CDH12: variants seen among roughly 807,000 people sequenced by gnomAD.
CDH12 encodes the protein cadherin 12, also known as cadherin-12.
In CDH12, 41 loss-of-function variants were observed where a neutral mutation model predicts 74.1. That is an observed-to-expected ratio of 0.55 (90% CI 0.43 to 0.72). The LOEUF (loss-of-function observed/expected upper bound fraction) is 0.72, where lower values mean the gene tolerates loss of function less well. Among genes scored for constraint, CDH12 ranks in the 30% least tolerant of loss-of-function variants. CDH12 has a pLI of 0.00. For synonymous variants in CDH12, 399 were observed against 355.0 expected (o/e 1.12, Z -1.39); for missense variants, 945 against 977.2 (o/e 0.97, Z 0.44).
At chr5:22,648,860 A>T (rs1372142473) in intron 1 of CDH12, among the ~76,000 whole-genome samples, 1 of 151,998 alleles carries the variant, frequency 6.6e-6, no homozygotes, top group Non-Finnish European at 1.5e-5. Context: ...CAGTTTAAGC[A>T]GAGAATTATT....
At chr5:22,415,722 A>G (rs1743353164) in intron 2 of CDH12, among the ~76,000 whole-genome samples, 1 of 152,192 alleles carries the variant, frequency 6.6e-6, no homozygotes, top group South Asian at 2.1e-4. Flanking sequence ...GAATTAAAAG[A>G]TACACAAATG....
chr5:22,533,863 C>A (rs569981373), intron 1 of CDH12, among the ~76,000 whole-genome samples: 3 of 152,180 alleles, frequency 2.0e-5, no homozygotes, highest in East Asian at 1.9e-4. Context: ...ATGTATATTT[C>A]AAAAATATAC....
At chr5:21,930,275 G>C (rs1005842488) in intron 6 of CDH12, among the ~76,000 whole-genome samples, 1 of 152,156 alleles carries the variant, frequency 6.6e-6, no homozygotes, top group African/African-American at 2.4e-5. Context: ...TTAACTGCTT[G>C]ACACATGCCA....
chr5:22,032,007 A>T (rs997637134), intron 5 of CDH12, among the ~76,000 whole-genome samples: 15 of 149,406 alleles, frequency 1.0e-4, no homozygotes, highest in Admixed American at 6.7e-4. Context: ...TTCAATTTAT[A>T]AAAAAAAAAT....
intron 2 of CDH12, among the ~76,000 whole-genome samples, chr5:22,406,354 A>T (rs1362492531): frequency 6.6e-6 from 1 of 152,120 alleles, no homozygotes; most frequent in Admixed American, 6.6e-5. Flanking sequence ...TAATCTCTTC[A>T]CTACCCTAAC....
At chr5:21,972,572 G>A (rs1450053378) in intron 6 of CDH12, among the ~76,000 whole-genome samples, 4 of 152,096 alleles carry the variant, frequency 2.6e-5, no homozygotes, top group Admixed American at 2.6e-4. Flanking sequence ...TGAGAATGGG[G>A]TTCGAGTACT....
At chr5:22,594,035 C>G (rs954058901) in intron 1 of CDH12, among the ~76,000 whole-genome samples, 5 of 152,128 alleles carry the variant, frequency 3.3e-5, no homozygotes, top group African/African-American at 1.2e-4. Flanking sequence ...GCCCATTCAA[C>G]AATGAGAAGG....
At chr5:22,373,748 G>T (rs1223819451) in intron 3 of CDH12, among the ~76,000 whole-genome samples, 1 of 152,144 alleles carries the variant, frequency 6.6e-6, no homozygotes, top group African/African-American at 2.4e-5. Context: ...AAGCCAAAGT[G>T]CCCTACCAAC....
chr5:22,712,177 A>G (rs991386668), intron 1 of CDH12, among the ~76,000 whole-genome samples: 7 of 151,994 alleles, frequency 4.6e-5, no homozygotes, highest in Non-Finnish European at 7.4e-5. Context: ...CTAAAACATA[A>G]TTTGAAATAA....
chr5:21,831,335 C>T (rs541907249), intron 8 of CDH12, among the ~76,000 whole-genome samples: 2 of 152,160 alleles, frequency 1.3e-5, no homozygotes, highest in Non-Finnish European at 2.9e-5. Flanking sequence ...CTCTCACTAT[C>T]TCTTTTTCTT....
intron 1 of CDH12, among the ~76,000 whole-genome samples, chr5:22,645,300 T>G (rs1739380514): frequency 6.6e-6 from 1 of 152,088 alleles, no homozygotes; most frequent in Non-Finnish European, 1.5e-5. Context: ...AGAAATTAAT[T>G]CCAACTCTTC....
At chr5:22,702,561 A>G (rs1479404108) in intron 1 of CDH12, among the ~76,000 whole-genome samples, 1 of 151,522 alleles carries the variant, frequency 6.6e-6, no homozygotes, top group African/African-American at 2.4e-5. Flanking sequence ...ATCTATTTTG[A>G]CTTTTTATGT....
rs773060961 is a variant in CDH12, at chr5:21,755,646, T to C, written c.1830A>G (p.Val610=). The part of the protein sequence containing the change: ...SCNVEAIFLP[V]GLSTGALIAI... The stretch of plus-strand genomic sequence containing the variant: ...CAATCAACGCCCCAGTGCTAAGTCC[T>C]ACAGGTAGAAAAATTGCTTCCACAT... Residue 610 remains valine (V), a synonymous_variant, in exon 14 of 15, where the codon GTA becomes GTG. Coordinates refer to ENST00000382254, the MANE Select transcript of CDH12 (RefSeq NM_004061.5). The C allele has an allele frequency of 1.3e-4, 209 of 1,613,910 alleles. 1 individual carries two copies. The highest frequency in any genetic ancestry group is 1.4e-4 in the Non-Finnish European group (160 of 1,179,934).
At chr5:22,223,429 A>G (rs1363259721) in intron 3 of CDH12, among the ~76,000 whole-genome samples, 1 of 152,050 alleles carries the variant, frequency 6.6e-6, no homozygotes, top group Non-Finnish European at 1.5e-5. Flanking sequence ...CAGCCTTATT[A>G]GGAATTTTTG....
chr5:21,866,219 A>C (rs1751317456), intron 6 of CDH12, among the ~76,000 whole-genome samples: 1 of 152,188 alleles, frequency 6.6e-6, no homozygotes, highest in South Asian at 2.1e-4. Context: ...AAAAGGACTA[A>C]TACAGCAAAT....
chr5:22,689,399 G>C (rs1286219422), intron 1 of CDH12, among the ~76,000 whole-genome samples: 1 of 152,052 alleles, frequency 6.6e-6, no homozygotes, highest in African/African-American at 2.4e-5. Context: ...ACCCTTACAA[G>C]GATGACATAT....
chr5:22,336,682 C>T (rs1351291423), intron 3 of CDH12, among the ~76,000 whole-genome samples: 3 of 152,310 alleles, frequency 2.0e-5, no homozygotes, highest in Admixed American at 2.0e-4. Context: ...TTGGGAACCT[C>T]TACCTAGATT....
Position 21,845,785 on chromosome 5 carries a change from T to C in CDH12, c.647-3457A>G, listed in dbSNP as rs2149991038. On this transcript the variant is annotated intron_variant, in intron 7 of 14. Transcript: ENST00000382254. The stretch of plus-strand genomic sequence containing the variant: ...CATCTAGTTAATGTCTGGCTCAGAG[T>C]GATAAAGGAGATAGAAAGAAATTAC... 2.0e-5 allele frequency among the ~76,000 whole-genome samples: 3 copies of C among 151,970 alleles called. No individual in the cohort carries two copies. The South Asian group carries it at 6.2e-4, about 32-fold the overall frequency.
intron 1 of CDH12, among the ~76,000 whole-genome samples, chr5:22,658,121 A>G (rs1740149676): frequency 1.3e-5 from 2 of 152,292 alleles, no homozygotes; most frequent in South Asian, 4.1e-4. Flanking sequence ...TCACTGAGTT[A>G]AGTAGTAATT....
Sources: allele counts gnomAD v4.1 joint callset (sites outside exome capture counted in the v4.1 genomes callset), GRCh38; gene constraint gnomAD v4.1.1; transcripts MANE v1.5; gene names NCBI Gene and HGNC (gene_info 2026-07-23, HGNC 2026-07-21).